The following DGUOK variants were observed in gnomAD, a reference collection of about 807,000 sequenced individuals.
DGUOK encodes deoxyguanosine kinase.
In DGUOK, 30 loss-of-function variants were observed where a neutral mutation model predicts 36.6. The observed-to-expected ratio is 0.82, with a 90% CI of 0.61 to 1.11. The LOEUF (loss-of-function observed/expected upper bound fraction) is 1.11, where lower values mean the gene tolerates loss of function less well. Among genes scored for constraint, DGUOK ranks in the 50% most tolerant of loss-of-function variants. The pLI is 0.00. For synonymous variants in DGUOK, 145 were observed against 126.3 expected (o/e 1.15, Z -0.99); for missense variants, 361 against 336.4 (o/e 1.07, Z -0.57).
intron 1 of DGUOK, among the ~76,000 whole-genome samples, chr2:73,931,152 A>G (rs1681003515): frequency 6.6e-6 from 1 of 152,220 alleles, no homozygotes; most frequent in South Asian, 2.1e-4. Flanking sequence ...ATGGAAAGCC[A>G]GAATCTCTGG....
At chr2:73,949,416 A>G (rs1393825841) in intron 3 of DGUOK, among the ~76,000 whole-genome samples, 1 of 152,226 alleles carries the variant, frequency 6.6e-6, no homozygotes, top group Non-Finnish European at 1.5e-5. Context: ...GCTTCTTCAT[A>G]GCCTAACAAA....
chr2:73,946,927 C>A, intron 3 of DGUOK, 21 bp downstream of exon 3: 1 of 1,598,952 alleles, frequency 6.3e-7, no homozygotes, highest in Non-Finnish European at 8.5e-7. Flanking sequence ...AAGCCCTCCA[C>A]CAGTCACAAG....
intron 4 of DGUOK, among the ~76,000 whole-genome samples, chr2:73,956,747 C>T (rs1395369449): frequency 1.3e-5 from 2 of 152,108 alleles, no homozygotes; most frequent in African/African-American, 4.8e-5. Context: ...GTAAAGAGGA[C>T]CCGACCAGGG....
intron 1 of DGUOK, among the ~76,000 whole-genome samples, chr2:73,928,458 G>A (rs1253373245): frequency 6.6e-6 from 1 of 152,286 alleles, no homozygotes; most frequent in African/African-American, 2.4e-5. Flanking sequence ...AATAAGCAAG[G>A]CCTCACTGAG....
At position 73,957,137 on chromosome 2, in the gene DGUOK, A is replaced by G. The variant is rs1281428686; in HGVS notation, c.604A>G (p.Arg202Gly). Residue 202 changes from arginine (R) to glycine (G), a missense_variant, in exon 5 of 7, where the codon AGA becomes GGA. By Grantham distance (125) the Arg-to-Gly change is moderately radical (BLOSUM62 -2). Transcript: ENST00000264093. The part of the protein sequence containing the change: ...LQASPQVCLK[R>G]LYQRAREEEK... The stretch of plus-strand genomic sequence containing the variant: ...GACTGTCTTTTAGGTTTGTTTGAAG[A>G]GACTGTACCAGAGGGCCAGGGAGGA... The G allele has an allele frequency of 6.2e-7, 1 of 1,613,864 alleles. No individual in the cohort carries two copies. Among genetic ancestry groups the G allele is most frequent in the Admixed American group, 1.7e-5 (1 of 60,018 alleles).
In DGUOK at chr2:73,950,670, C is replaced by T; in HGVS notation, c.529C>T (p.Leu177=). 1 of 1,614,164 alleles carries T rather than the reference C, an allele frequency of 6.2e-7. No individual in the cohort carries two copies. The highest frequency in any genetic ancestry group is 8.5e-7 in the Non-Finnish European group (1 of 1,180,032). ...HIYQDWHSFL[L]WEFASRITLH... ...CTATCAGGACTGGCATTCTTTTCTC[C>T]TGTGGGAGTTTGCCAGCCGGATCAC... The change falls in exon 4 of 7, where the codon CTG becomes TTG. Residue 177 remains leucine (L), a synonymous_variant. Coordinates refer to ENST00000264093, the MANE Select transcript of DGUOK (RefSeq NM_080916.3).
At chr2:73,958,678 A>AAATT (rs1558671436) in intron 6 of DGUOK, 32 bp from the exon 7 acceptor site, 3 of 1,595,672 alleles carry the variant, frequency 1.9e-6, no homozygotes, top group Non-Finnish European at 2.6e-6. Context: ...TAAAAATGTG[A>AAATT]AATTAAACTT....
chr2:73,957,224 A>G lies in DGUOK; in HGVS notation c.691A>G (p.Ile231Val), dbSNP rs1222053386. ...QLHGQHEAWL[I>V]HKTTKLHFEA... The stretch of plus-strand genomic sequence containing the variant: ...GCATGGCCAACACGAAGCCTGGCTT[A>G]TTCACAAGACAACGAAGTAAGTGGG... Residue 231 changes from isoleucine to valine, a missense_variant, in exon 5 of 7, where the codon ATT becomes GTT. Transcript: ENST00000264093. The G allele has an allele frequency of 6.2e-7, 1 of 1,613,990 alleles. No homozygotes were observed. Among genetic ancestry groups the G allele is most frequent in the South Asian group, 1.1e-5 (1 of 91,064 alleles).
chr2:73,932,749 G>A, intron 1 of DGUOK: 1 of 831,342 alleles, frequency 1.2e-6, no homozygotes, highest in Non-Finnish European at 1.6e-6. Flanking sequence ...TCCTGAAGGT[G>A]CAGACAGCGG....
intron 1 of DGUOK, among the ~76,000 whole-genome samples, chr2:73,938,041 A>G (rs1573524415): frequency 6.6e-6 from 1 of 152,154 alleles, no homozygotes; most frequent in Non-Finnish European, 1.5e-5. Flanking sequence ...TCTTCTTACC[A>G]TAACTACAAA....
At chr2:73,949,397 T>C (rs1315145722) in intron 3 of DGUOK, among the ~76,000 whole-genome samples, 2 of 152,256 alleles carry the variant, frequency 1.3e-5, no homozygotes, top group African/African-American at 2.4e-5. Context: ...TTGTGGAGTT[T>C]CTAAGTTAGC....
At chr2:73,951,293 G>C (rs1682686318) in intron 4 of DGUOK, among the ~76,000 whole-genome samples, 1 of 152,180 alleles carries the variant, frequency 6.6e-6, no homozygotes, top group Non-Finnish European at 1.5e-5. Context: ...GAGCACCAGA[G>C]TCTCTGGAGA....
At chr2:73,953,979 A>G (rs1682904306) in intron 4 of DGUOK, among the ~76,000 whole-genome samples, 2 of 152,078 alleles carry the variant, frequency 1.3e-5, no homozygotes, top group South Asian at 2.1e-4. Context: ...CGGCCTCCCA[A>G]AGTGCTGGGA....
chr2:73,944,991 C>T (rs551379016), intron 2 of DGUOK, among the ~76,000 whole-genome samples: 114 of 152,268 alleles, frequency 7.5e-4, no homozygotes, highest in Non-Finnish European at 1.2e-3. Context: ...CCCGAAAATA[C>T]CTCTGAGTTA....
intron 1 of DGUOK, chr2:73,932,537 CA>C: frequency 9.9e-7 from 1 of 1,013,030 alleles, no homozygotes; most frequent in South Asian, 1.4e-5. Flanking sequence ...CATTGGTACC[CA>C]CACAGGGAAT....
intron 4 of DGUOK, among the ~76,000 whole-genome samples, chr2:73,956,817 A>T (rs1267040047): frequency 1.3e-5 from 2 of 152,204 alleles, no homozygotes; most frequent in African/African-American, 4.8e-5. Context: ...GAATTGAGTG[A>T]CTTCCCAGAT....
In DGUOK at chr2:73,930,782, C is replaced by CTTTTTTTT. The variant is rs1020072202; in HGVS notation, c.142+3734_142+3741dup. ...GAGAAAACAGATTCGACATAATTTT[C>CTTTTTTTT]TTTTTTTTTTTCTTTTTTTTTTTTT... On this transcript the variant is annotated intron_variant, in intron 1 of 6. Coordinates refer to ENST00000264093, the MANE Select transcript of DGUOK (RefSeq NM_080916.3). Among the ~76,000 whole-genome samples the CTTTTTTTT allele has an allele frequency of 2.1e-5, 2 of 95,476 alleles. 1 individual carries two copies. Among genetic ancestry groups the CTTTTTTTT allele is most frequent in the Non-Finnish European group, 4.3e-5 (2 of 46,462 alleles). The allele number at this position is 95,476 out of a possible 152,430, so 62.6% of individuals were successfully genotyped here. A position where few individuals can be genotyped will look rare whatever the true frequency, so the allele number is the denominator to read the frequency against.
At chr2:73,928,972 C>T (rs1359675254) in intron 1 of DGUOK, among the ~76,000 whole-genome samples, 1 of 152,076 alleles carries the variant, frequency 6.6e-6, no homozygotes, top group African/African-American at 2.4e-5. Flanking sequence ...AAGATAGGGC[C>T]AATTGGATTT....
At chr2:73,929,657 G>A (rs1382268694) in intron 1 of DGUOK, among the ~76,000 whole-genome samples, 1 of 152,174 alleles carries the variant, frequency 6.6e-6, no homozygotes, top group East Asian at 1.9e-4. Context: ...AAAAACAAAA[G>A]AGAATGATAT....
Sources: allele counts gnomAD v4.1 joint callset (sites outside exome capture counted in the v4.1 genomes callset), GRCh38; gene constraint gnomAD v4.1.1; transcripts MANE v1.5; gene names NCBI Gene and HGNC (gene_info 2026-07-23, HGNC 2026-07-21).